SIPA1L2: variants seen among roughly 807,000 people sequenced by gnomAD.
SIPA1L2 encodes the protein signal-induced proliferation-associated 1-like protein 2.
Under a neutral mutation model 163.9 loss-of-function variants are expected in SIPA1L2, and 56 were observed. That is an observed-to-expected ratio of 0.34 (90% CI 0.28 to 0.43). The LOEUF is 0.43. SIPA1L2 is among the 20% of genes least tolerant of loss of function. The pLI is 1.00. For missense variants in SIPA1L2, 1,974 were observed against 2,193.5 expected, an observed-to-expected ratio of 0.90 and a Z score of 2.00; for synonymous variants, 877 against 865.7, an observed-to-expected ratio of 1.01 and a Z score of -0.23.
chr1:232,558,991 C>T (rs1287146588), intron 2 of SIPA1L2, among the ~76,000 whole-genome samples: 1 of 152,098 alleles, frequency 6.6e-6, no homozygotes, highest in African/African-American at 2.4e-5. Flanking sequence ...AAAAACCAGC[C>T]CAAGGCTACC....
intron 2 of SIPA1L2, among the ~76,000 whole-genome samples, chr1:232,527,861 A>G (rs1667788185): frequency 6.7e-6 from 1 of 149,640 alleles, no homozygotes; most frequent in Admixed American, 6.7e-5. Flanking sequence ...TCTCCCAAGC[A>G]GCTGGTATTA....
chr1:232,500,706 G>A (rs1254796354), intron 3 of SIPA1L2, among the ~76,000 whole-genome samples: 1 of 152,228 alleles, frequency 6.6e-6, no homozygotes, highest in Non-Finnish European at 1.5e-5. Flanking sequence ...CACTCCTGGT[G>A]AAGATGCTGT....
chr1:232,470,614 T>C (rs966783414), intron 8 of SIPA1L2, among the ~76,000 whole-genome samples: 5 of 152,198 alleles, frequency 3.3e-5, no homozygotes, highest in African/African-American at 1.2e-4. Flanking sequence ...TAATCTTGGA[T>C]GAATGTCAGG....
intron 1 of SIPA1L2, among the ~76,000 whole-genome samples, chr1:232,623,504 A>G (rs1662924497): frequency 6.6e-6 from 1 of 152,178 alleles, no homozygotes; most frequent in South Asian, 2.1e-4. Context: ...GCTTCTTGGG[A>G]GGCTGAGGCA....
chr1:232,559,737 T>A lies in SIPA1L2; in HGVS notation c.-270+14437A>T, dbSNP rs535651571. ...TCTTTCTATACAAATACTATATATG[T>A]AATATATTACTTTTAATAGGTTACC... is the stretch of plus-strand genomic sequence containing the variant. On this transcript the variant is annotated intron_variant, in intron 2 of 22. Transcript: ENST00000674635. Among the ~76,000 whole-genome samples, 9 of 152,296 alleles carry A rather than the reference T, an allele frequency of 5.9e-5. No individual in the cohort carries two copies. In the East Asian group the frequency reaches 1.5e-3, roughly 26 times the overall value.
chr1:232,426,383 G>A (rs565423136), intron 17 of SIPA1L2, among the ~76,000 whole-genome samples: 9 of 152,162 alleles, frequency 5.9e-5, no homozygotes, highest in East Asian at 1.9e-4. Flanking sequence ...ACTTGTGGCC[G>A]GGCACAGTGG....
chr1:232,542,165 T>C (rs754455713), intron 2 of SIPA1L2, among the ~76,000 whole-genome samples: 23 of 152,168 alleles, frequency 1.5e-4, no homozygotes, highest in Non-Finnish European at 4.4e-5. Context: ...CCTGGGAAAG[T>C]CGCTTCGCGA....
At chr1:232,487,077 C>T (rs1258665544) in intron 5 of SIPA1L2, among the ~76,000 whole-genome samples, 1 of 152,244 alleles carries the variant, frequency 6.6e-6, no homozygotes, top group Admixed American at 6.5e-5. Flanking sequence ...CTGCTGCAAA[C>T]TAAAAATATC....
chr1:232,507,110 A>C (rs1298469293), intron 3 of SIPA1L2, among the ~76,000 whole-genome samples: 2 of 151,742 alleles, frequency 1.3e-5, no homozygotes, highest in African/African-American at 4.8e-5. Flanking sequence ...TTTTCTGTAC[A>C]GGATTCCACC....
At chr1:232,463,793 C>G (rs1374403891) in intron 9 of SIPA1L2, among the ~76,000 whole-genome samples, 1 of 152,194 alleles carries the variant, frequency 6.6e-6, no homozygotes, top group Non-Finnish European at 1.5e-5. Flanking sequence ...TCACCCCAAA[C>G]TCTTATCTAG....
chr1:232,421,211 C>T (rs1047348244), intron 18 of SIPA1L2, among the ~76,000 whole-genome samples: 3 of 152,278 alleles, frequency 2.0e-5, no homozygotes, highest in African/African-American at 4.8e-5. Flanking sequence ...ATTCTTACTG[C>T]CCATGTTGCA....
At chr1:232,545,050 TGGATGGTTACAGAAGTACCAGA>T (rs1657943742) in intron 2 of SIPA1L2, among the ~76,000 whole-genome samples, 2 of 152,174 alleles carry the variant, frequency 1.3e-5, no homozygotes, top group Admixed American at 6.5e-5. Flanking sequence ...GGCAAAGCGG[TGGATGGTTACAGAAGTACCAGA>T]GGAGCCAACC....
intron 1 of SIPA1L2, among the ~76,000 whole-genome samples, chr1:232,578,151 T>C (rs1303851766): frequency 6.6e-6 from 1 of 152,196 alleles, no homozygotes; most frequent in African/African-American, 2.4e-5. Flanking sequence ...CATTTGCATT[T>C]TTTAGCAAAA....
chr1:232,486,042 G>A (rs949396057), intron 5 of SIPA1L2, among the ~76,000 whole-genome samples: 3 of 152,156 alleles, frequency 2.0e-5, no homozygotes, highest in African/African-American at 4.8e-5. Context: ...ATCATCTGAA[G>A]GCCATCTTTG....
At position 232,536,143 on chromosome 1, in the gene SIPA1L2, C is replaced by T. The variant is rs558640465; in HGVS notation, c.-269-20535G>A. On this transcript the variant is annotated intron_variant, in intron 2 of 22. Coordinates refer to ENST00000674635, the MANE Select transcript of SIPA1L2 (RefSeq NM_020808.5). Reference sequence around the variant, plus strand: ...CAAGGAAGCACGACAGATCTGAGAGCGCAGGAGCTGGGAAAGGGCGAAAAC... The same window carrying T: ...CAAGGAAGCACGACAGATCTGAGAGTGCAGGAGCTGGGAAAGGGCGAAAAC... Among the ~76,000 whole-genome samples, 6 of 152,244 alleles carry T rather than the reference C, an allele frequency of 3.9e-5. No homozygotes were observed. The East Asian group carries it at 1.2e-3, about 29-fold the overall frequency.
In SIPA1L2 at chr1:232,415,645, G is replaced by A; in HGVS notation, c.4631-20C>T. 1 of 1,613,670 alleles carries A rather than the reference G, an allele frequency of 6.2e-7. No individual in the cohort carries two copies. Among genetic ancestry groups the A allele is most frequent in the African/African-American group, 1.3e-5 (1 of 75,054 alleles). On this transcript the variant is annotated intron_variant, in intron 18 of 22. Coordinates refer to ENST00000674635, the MANE Select transcript of SIPA1L2 (RefSeq NM_020808.5). The stretch of plus-strand genomic sequence containing the variant: ...ACTCATCTAAACAGAAACAAAACCA[G>A]AGAGTCAGTCATCAGTCACAGCACG...
intron 2 of SIPA1L2, among the ~76,000 whole-genome samples, chr1:232,563,944 G>GTTTTTTT (rs1264800808): frequency 1.0e-5 from 1 of 100,014 alleles, no homozygotes; most frequent in African/African-American, 6.7e-5. Flanking sequence ...ACAAAGGTTT[G>GTTTTTTT]TTTTTTTTTT....
intron 12 of SIPA1L2, 36 bp downstream of exon 12, chr1:232,443,566 C>T: frequency 1.3e-6 from 2 of 1,504,232 alleles, no homozygotes; most frequent in Non-Finnish European, 1.8e-6. Context: ...AAACAGGTTC[C>T]TCCCAGTGGA....
At chr1:232,399,409 T>C in intron 22 of SIPA1L2, 136 bp from the exon 23 acceptor site, 1 of 887,704 alleles carries the variant, frequency 1.1e-6, no homozygotes, top group Non-Finnish European at 1.7e-6. Flanking sequence ...CTTTCTTTAG[T>C]GAGGGGACTT....
Sources: gnomAD v4.1 joint callset for allele counts (sites outside exome capture counted in the v4.1 genomes callset) on GRCh38, gnomAD v4.1.1 for gene constraint, MANE v1.5 for transcripts, NCBI Gene and HGNC (gene_info 2026-07-23, HGNC 2026-07-21) for gene names.